AUTS2: variants seen among roughly 807,000 people sequenced by gnomAD.
The protein encoded by AUTS2 is activator of transcription and developmental regulator AUTS2.
Under a neutral mutation model 112.4 loss-of-function variants are expected in AUTS2, and 17 were observed. That is an observed-to-expected ratio of 0.15 (90% CI 0.10 to 0.23). The LOEUF is 0.23. Ranked by LOEUF, AUTS2 falls within the 10% of genes least tolerant of loss-of-function variation. The pLI, the probability that AUTS2 is intolerant of heterozygous loss-of-function variation, is 1.00. For synonymous variants in AUTS2, 751 were observed against 702.7 expected, an observed-to-expected ratio of 1.07 and a Z score of -1.09; for missense variants, 1,510 against 1,701.6, an observed-to-expected ratio of 0.89 and a Z score of 1.98.
intron 5 of AUTS2, among the ~76,000 whole-genome samples, chr7:70,537,077 T>C (rs920059671): frequency 8.5e-5 from 13 of 152,242 alleles, no homozygotes; most frequent in African/African-American, 3.1e-4. Context: ...AAACCCAGGC[T>C]CCATGCACAT....
At chr7:70,204,133 C>T (rs1810451164) in intron 4 of AUTS2, among the ~76,000 whole-genome samples, 1 of 151,966 alleles carries the variant, frequency 6.6e-6, no homozygotes, top group Non-Finnish European at 1.5e-5. Flanking sequence ...GATAGTGGTA[C>T]CCAGACCCCA....
intron 5 of AUTS2, among the ~76,000 whole-genome samples, chr7:70,580,618 G>C: frequency 6.6e-6 from 1 of 152,168 alleles, no homozygotes; most frequent in African/African-American, 2.4e-5. Flanking sequence ...TTTTTCTCTT[G>C]AGCTGAACAC....
At chr7:70,693,796 T>C (rs1005009983) in intron 5 of AUTS2, among the ~76,000 whole-genome samples, 1 of 152,188 alleles carries the variant, frequency 6.6e-6, no homozygotes, top group African/African-American at 2.4e-5. Context: ...AAGCGGCAAC[T>C]GCGGGGAGGG....
At chr7:70,040,001 T>C (rs1159488901) in intron 2 of AUTS2, among the ~76,000 whole-genome samples, 1 of 152,040 alleles carries the variant, frequency 6.6e-6, no homozygotes, top group African/African-American at 2.4e-5. Flanking sequence ...GAAACAAACA[T>C]CCAACTTTAT....
At chr7:70,263,796 AG>A (rs1787281495) in intron 4 of AUTS2, among the ~76,000 whole-genome samples, 3 of 152,216 alleles carry the variant, frequency 2.0e-5, no homozygotes, top group Admixed American at 2.0e-4. Flanking sequence ...CAGCATGGAA[AG>A]GTATCATAAT....
intron 5 of AUTS2, among the ~76,000 whole-genome samples, chr7:70,481,133 G>T (rs1286624163): frequency 1.3e-5 from 2 of 152,216 alleles, no homozygotes; most frequent in African/African-American, 4.8e-5. Context: ...GTTCTGAGCA[G>T]GGAAGGGAGG....
chr7:70,296,840 ATTT>A (rs11309209), intron 4 of AUTS2, among the ~76,000 whole-genome samples: 14 of 127,930 alleles, frequency 1.1e-4, no homozygotes, highest in African/African-American at 1.2e-4. Context: ...CTGGGTATAC[ATTT>A]TTTTTTTTTT....
In AUTS2 at chr7:70,429,526, A is replaced by T. The variant is rs546338876; in HGVS notation, c.661-6226A>T. 5.3e-4 allele frequency among the ~76,000 whole-genome samples: 80 copies of T among 152,342 alleles called. No homozygotes were observed. The South Asian group carries it at 0.016, about 31-fold the overall frequency. On this transcript the variant is annotated intron_variant, in intron 4 of 18. Coordinates refer to ENST00000342771, the MANE Select transcript of AUTS2 (RefSeq NM_015570.4). ...TTAAGTGCAGATGGCTGGTGGCATG[A>T]CTGAGCGTGAGTGGGCGTGGTTGAA...
intron 4 of AUTS2, among the ~76,000 whole-genome samples, chr7:70,368,443 G>A (rs1398190112): frequency 1.3e-5 from 2 of 152,152 alleles, no homozygotes; most frequent in Admixed American, 6.5e-5. Context: ...ATTTTCCTGG[G>A]TAATAGAAGG....
At chr7:69,830,598 T>G (rs1791456868) in intron 1 of AUTS2, among the ~76,000 whole-genome samples, 1 of 152,224 alleles carries the variant, frequency 6.6e-6, no homozygotes, top group African/African-American at 2.4e-5. Flanking sequence ...TATCACATCC[T>G]CCTGGAAGTA....
intron 2 of AUTS2, among the ~76,000 whole-genome samples, chr7:69,972,657 G>A (rs896134270): frequency 2.9e-5 from 4 of 138,214 alleles, no homozygotes; most frequent in African/African-American, 8.2e-5. Context: ...TTTTCTTTGT[G>A]TGTGTGTGCG....
In AUTS2 at chr7:70,789,966, C is replaced by T. The variant is rs1051457112; in HGVS notation, c.2750C>T (p.Pro917Leu). 8 of 1,613,082 alleles carry T rather than the reference C, an allele frequency of 5.0e-6. No individual in the cohort carries two copies. Among genetic ancestry groups the T allele is most frequent in the Admixed American group, 3.3e-5 (2 of 59,958 alleles). Residue 917 changes from proline (P) to leucine (L), a missense_variant, in exon 19 of 19, where the codon CCC becomes CTC. By Grantham distance (98) the Pro-to-Leu change is moderately conservative. Coordinates refer to ENST00000342771, the MANE Select transcript of AUTS2 (RefSeq NM_015570.4). Reference protein sequence around the residue: ...DEHKAKEGHLPEKDGHGHEGR... With the variant: ...DEHKAKEGHLLEKDGHGHEGR... Reference sequence around the variant, plus strand: ...CACAAGGCGAAAGAGGGCCACCTGCCCGAGAAGGACGGGCACGGCCACGAG... The same window carrying T: ...CACAAGGCGAAAGAGGGCCACCTGCTCGAGAAGGACGGGCACGGCCACGAG...
chr7:70,547,382 G>A (rs1011686188), intron 5 of AUTS2, among the ~76,000 whole-genome samples: 1 of 152,152 alleles, frequency 6.6e-6, no homozygotes, highest in Non-Finnish European at 1.5e-5. Flanking sequence ...AGCCTTCCAA[G>A]TAGCTGGGAT....
At position 69,774,032 on chromosome 7, in the gene AUTS2, A is replaced by T. The variant is rs1788787647; in HGVS notation, c.310-125254A>T. On this transcript the variant is annotated intron_variant, in intron 1 of 18. Transcript: ENST00000342771. ...TGTGACCCAGTGCCCTGCTTTTTCC[A>T]CTCTAGTGATGATAGCGCCCTGGAG... Among the ~76,000 whole-genome samples the T allele has an allele frequency of 4.6e-5, 7 of 151,762 alleles. No homozygotes were observed. The South Asian group carries it at 1.5e-3, about 32-fold the overall frequency.
chr7:70,706,826 A>C (rs956103493), intron 6 of AUTS2, among the ~76,000 whole-genome samples: 3 of 152,118 alleles, frequency 2.0e-5, no homozygotes, highest in Admixed American at 1.3e-4. Context: ...AGATGTTTAG[A>C]CTCTGCATAA....
chr7:70,752,161 G>C (rs964844459), intron 6 of AUTS2, among the ~76,000 whole-genome samples: 1 of 151,990 alleles, frequency 6.6e-6, no homozygotes, highest in African/African-American at 2.4e-5. Context: ...GGAGTCTGGG[G>C]GTAGCAGGAA....
At position 70,762,967 on chromosome 7, in the gene AUTS2, G is replaced by A; in HGVS notation, c.840G>A (p.Lys280=). The A allele has an allele frequency of 6.2e-7, 1 of 1,614,150 alleles. No homozygotes were observed. The stretch of plus-strand genomic sequence containing the variant: ...CGGGTCTAGAGAGAAGCCAGGAGAA[G>A]AGCCAGGACTGTTGCAAAGAGCCAA... ...KISGLERSQE[K]SQDCCKEPIF... Residue 280 remains lysine (K), a synonymous_variant, in exon 7 of 19, where the codon AAG becomes AAA. Transcript: ENST00000342771.
chr7:69,780,772 A>G (rs1789111369), intron 1 of AUTS2, among the ~76,000 whole-genome samples: 1 of 152,228 alleles, frequency 6.6e-6, no homozygotes, highest in Non-Finnish European at 1.5e-5. Flanking sequence ...GAGACTCATT[A>G]GTGGCTGTTA....
At chr7:70,739,344 C>CTTT (rs1185801587) in intron 6 of AUTS2, among the ~76,000 whole-genome samples, 4 of 135,078 alleles carry the variant, frequency 3.0e-5, no homozygotes, top group Admixed American at 7.4e-5. Context: ...CCTTTTTTTC[C>CTTT]TTTTTTTTTT....
Sources: gnomAD v4.1 joint callset for allele counts (sites outside exome capture counted in the v4.1 genomes callset) on GRCh38, gnomAD v4.1.1 for gene constraint, MANE v1.5 for transcripts, NCBI Gene and HGNC (gene_info 2026-07-23, HGNC 2026-07-21) for gene names.